CDH19: variants seen among roughly 807,000 people sequenced by gnomAD.
CDH19 encodes the protein cadherin-19.
In CDH19, 67 loss-of-function variants were observed where a neutral mutation model predicts 64.2. That is an observed-to-expected ratio of 1.04 (90% CI 0.86 to 1.28). The LOEUF is 1.28. Ranked by LOEUF, CDH19 falls within the 50% of genes most tolerant of loss-of-function variation. The pLI is 0.00. For missense variants in CDH19, 1,030 were observed against 929.0 expected (o/e 1.11, Z -1.41); for synonymous variants, 346 against 319.3 (o/e 1.08, Z -0.89).
At chr18:66,524,528 G>GAT (rs1986134082) in intron 9 of CDH19, among the ~76,000 whole-genome samples, 1 of 114,050 alleles carries the variant, frequency 8.8e-6, no homozygotes, top group East Asian at 2.6e-4. Flanking sequence ...CAATATATGC[G>GAT]TGTATGTTTG....
chr18:66,541,087 G>A (rs1036764320), intron 7 of CDH19, among the ~76,000 whole-genome samples: 1 of 151,912 alleles, frequency 6.6e-6, no homozygotes, highest in Non-Finnish European at 1.5e-5. Flanking sequence ...TCATATAAAG[G>A]TAGATCTTGC....
chr18:66,521,187 G>C (rs1985966310), intron 9 of CDH19, among the ~76,000 whole-genome samples: 1 of 152,066 alleles, frequency 6.6e-6, no homozygotes, highest in Admixed American at 6.5e-5. Flanking sequence ...TTCTGGATCT[G>C]ATAAATTTTT....
chr18:66,546,622 C>T (rs946868095), intron 5 of CDH19, among the ~76,000 whole-genome samples: 5 of 151,996 alleles, frequency 3.3e-5, no homozygotes, highest in African/African-American at 9.7e-5. Flanking sequence ...AAAGCTGCCA[C>T]CATCAGCTCA....
At chr18:66,541,657 T>C (rs1212960726) in intron 7 of CDH19, among the ~76,000 whole-genome samples, 1 of 152,140 alleles carries the variant, frequency 6.6e-6, no homozygotes, top group Non-Finnish European at 1.5e-5. Flanking sequence ...TCAGTGATCC[T>C]AACATATGTA....
At chr18:66,589,774 T>C (rs1429901729) in intron 1 of CDH19, among the ~76,000 whole-genome samples, 3 of 151,974 alleles carry the variant, frequency 2.0e-5, no homozygotes, top group African/African-American at 4.8e-5. Context: ...CCTTTCTTTA[T>C]GTATATATAT....
intron 1 of CDH19, among the ~76,000 whole-genome samples, chr18:66,603,125 C>G (rs1323349045): frequency 6.7e-6 from 1 of 150,292 alleles, no homozygotes; most frequent in Non-Finnish European, 1.5e-5. Flanking sequence ...AAACCTTTGC[C>G]ACTCTATTTA....
chr18:66,603,196 T>C (rs958305962), intron 1 of CDH19, among the ~76,000 whole-genome samples: 9 of 150,610 alleles, frequency 6.0e-5, no homozygotes, highest in Non-Finnish European at 1.0e-4. Flanking sequence ...TAAATCCCTT[T>C]GGTAAACTTA....
At chr18:66,534,023 T>TA (rs1986559062) in intron 8 of CDH19, among the ~76,000 whole-genome samples, 1 of 151,756 alleles carries the variant, frequency 6.6e-6, no homozygotes. Flanking sequence ...TTTAAAATGT[T>TA]AGAGAAAGAA....
At chr18:66,551,012 A>C (rs1987317858) in intron 5 of CDH19, 82 bp downstream of exon 5, 5 of 694,054 alleles carry the variant, frequency 7.2e-6, no homozygotes, top group South Asian at 2.6e-5. Flanking sequence ...TAGTGCTTTT[A>C]GAATGAAAAC....
At chr18:66,575,274 G>T (rs1234678267) in intron 1 of CDH19, among the ~76,000 whole-genome samples, 1 of 151,742 alleles carries the variant, frequency 6.6e-6, no homozygotes, top group Non-Finnish European at 1.5e-5. Flanking sequence ...TAAGTACATT[G>T]TCAGAGTGGG....
chr18:66,545,296 A>G (rs1033700013), intron 5 of CDH19, among the ~76,000 whole-genome samples: 8 of 151,686 alleles, frequency 5.3e-5, no homozygotes, highest in African/African-American at 1.9e-4. Context: ...AGCATTCTTT[A>G]TTTTTGATCT....
Position 66,562,535 on chromosome 18 carries a change from C to A in CDH19, c.490+5881G>T, listed in dbSNP as rs188412819. On this transcript the variant is annotated intron_variant, in intron 3 of 11. Transcript: ENST00000262150. The stretch of plus-strand genomic sequence containing the variant: ...TGCCTGCTGCTCACCTCCTGCTGTG[C>A]AGCCCGGTTCCTAAGAGGCCACAGA... Among the ~76,000 whole-genome samples, 262 of 152,142 alleles carry A rather than the reference C, an allele frequency of 1.7e-3. 1 individual carries two copies. The highest frequency in any genetic ancestry group is 2.8e-3 in the Non-Finnish European group (193 of 68,004).
At chr18:66,598,126 C>T (rs540955722) in intron 1 of CDH19, among the ~76,000 whole-genome samples, 1 of 152,202 alleles carries the variant, frequency 6.6e-6, no homozygotes, top group South Asian at 2.1e-4. Context: ...GTCAGAATGG[C>T]TATTACTATG....
chr18:66,512,651 T>G (rs1175777019), intron 9 of CDH19, among the ~76,000 whole-genome samples: 2 of 150,136 alleles, frequency 1.3e-5, no homozygotes, highest in Non-Finnish European at 3.0e-5. Context: ...TACACATTAC[T>G]AATAAATAAT....
chr18:66,598,280 C>T (rs141185764), intron 1 of CDH19, among the ~76,000 whole-genome samples: 423 of 152,192 alleles, frequency 2.8e-3, no homozygotes, highest in Non-Finnish European at 4.7e-3. Flanking sequence ...AACTCGGCAA[C>T]CCTAGTAGTG....
At chr18:66,558,596 C>A (rs1427397505) in intron 3 of CDH19, among the ~76,000 whole-genome samples, 1 of 151,828 alleles carries the variant, frequency 6.6e-6, no homozygotes, top group African/African-American at 2.4e-5. Flanking sequence ...ATATTTAACA[C>A]AATTGTAAAT....
Position 66,511,595 on chromosome 18 carries a change from A to T in CDH19, c.1549T>A (p.Ser517Thr). ...TGATTATCTATGATTGTAAAACTTGAATTGTTAGTGTCTTCTACAGATAGA... is the reference window on the plus strand; with the variant it reads ...TGATTATCTATGATTGTAAAACTTGTATTGTTAGTGTCTTCTACAGATAGA... Reference protein sequence around the residue: ...FNLSVEDTNNSSFTIIDNQDN... With the variant: ...FNLSVEDTNNTSFTIIDNQDN... The change falls in exon 10 of 12, where the codon TCA (serine) becomes ACA (threonine). Residue 517 changes from serine (S) to threonine (T), a missense_variant. Transcript: ENST00000262150. The T allele has an allele frequency of 6.7e-7, 1 of 1,483,088 alleles. No homozygotes were observed. The highest frequency in any genetic ancestry group is 9.4e-7 in the Non-Finnish European group (1 of 1,062,820). The allele number at this position is 1,483,088 out of a possible 1,614,324, so 91.9% of individuals were successfully genotyped here. A position where few individuals can be genotyped will look rare whatever the true frequency, so the allele number is the denominator to read the frequency against.
intron 1 of CDH19, among the ~76,000 whole-genome samples, chr18:66,593,940 T>C (rs1463815697): frequency 1.3e-5 from 2 of 152,008 alleles, no homozygotes; most frequent in African/African-American, 4.8e-5. Context: ...TTAATGAGGA[T>C]TTTTTAGAAG....
intron 1 of CDH19, among the ~76,000 whole-genome samples, chr18:66,586,484 T>G (rs1268360862): frequency 6.6e-6 from 1 of 151,692 alleles, no homozygotes; most frequent in African/African-American, 2.4e-5. Flanking sequence ...AATATTAAAA[T>G]GGGGAAGTAG....
Sources: allele counts gnomAD v4.1 joint callset (sites outside exome capture counted in the v4.1 genomes callset), GRCh38; gene constraint gnomAD v4.1.1; transcripts MANE v1.5; gene names NCBI Gene and HGNC (gene_info 2026-07-23, HGNC 2026-07-21).